The following SUPT3H variants were observed in gnomAD, a reference collection of about 807,000 sequenced individuals.
SUPT3H encodes SPT3 homolog, SAGA and STAGA complex component.
SUPT3H carries 44 observed loss-of-function variants against 44.3 expected under a neutral mutation model. The observed-to-expected ratio is 0.99, with a 90% confidence interval of 0.78 to 1.28. The LOEUF is 1.28. Among genes scored for constraint, SUPT3H ranks in the 50% most tolerant of loss-of-function variants. SUPT3H has a pLI of 0.00. For synonymous variants in SUPT3H, 124 were observed against 125.6 expected (o/e 0.99, Z 0.09); for missense variants, 380 against 387.1 (o/e 0.98, Z 0.15).
chr6:44,810,779 G>GC (rs1766461602), intron 11 of SUPT3H, among the ~76,000 whole-genome samples: 1 of 152,148 alleles, frequency 6.6e-6, no homozygotes, highest in African/African-American at 2.4e-5. Flanking sequence ...GGTGGCACAT[G>GC]CCTGTAGTCC....
chr6:45,077,751 T>A (rs150897011), intron 3 of SUPT3H, among the ~76,000 whole-genome samples: 2 of 147,936 alleles, frequency 1.4e-5, no homozygotes, highest in Non-Finnish European at 3.0e-5. Flanking sequence ...AAAAACTCAA[T>A]AAACACAAAA....
chr6:45,334,846 T>C lies in SUPT3H; in HGVS notation c.101+30355A>G, dbSNP rs544018017. On this transcript the variant is annotated intron_variant, in intron 2 of 10. Coordinates refer to ENST00000371459, the MANE Select transcript of SUPT3H (RefSeq NM_003599.4). ...ATTTTTTTGCATGTAAGTTAACAAA[T>C]GTCAATCTATAAAACCAGTAACAGG... Among the ~76,000 whole-genome samples, 7 of 151,364 alleles carry C rather than the reference T, an allele frequency of 4.6e-5. No individual in the cohort carries two copies. In the South Asian group the frequency reaches 1.5e-3, roughly 31 times the overall value.
At chr6:45,070,819 G>T (rs73737872) in intron 3 of SUPT3H, among the ~76,000 whole-genome samples, 3,496 of 150,968 alleles carry the variant, frequency 0.023, 76 homozygotes, top group South Asian at 0.086. Flanking sequence ...TGACGACAAG[G>T]AAGAAGTGTT....
At chr6:45,223,067 G>T (rs9395081) in intron 2 of SUPT3H, among the ~76,000 whole-genome samples, 129,196 of 152,002 alleles carry the variant, frequency 0.85, 55,149 homozygotes, top group African/African-American at 0.89. Context: ...AAGAGTTGGT[G>T]GAGGCTATAA....
Position 44,828,736 on chromosome 6 carries a change from A to ATGTT in SUPT3H, c.*1076_*1079dup, listed in dbSNP as rs1390435588. 2.0e-5 allele frequency: 3 copies of ATGTT among 152,328 alleles called. 1 individual carries two copies. The highest frequency in any genetic ancestry group is 4.1e-4 in the South Asian group (2 of 4,826). 9.4% of individuals were successfully genotyped at this position (152,328 alleles called of 1,614,324 possible). A position where few individuals can be genotyped will look rare whatever the true frequency, so the allele number is the denominator to read the frequency against. The stretch of plus-strand genomic sequence containing the variant: ...AGCAGTATCAAGAAAAAGATCTTTC[A>ATGTT]TGTTTCTCATTTCTGTTTTTATTAA... On this transcript the variant is annotated 3_prime_UTR_variant, in exon 11 of 11. Transcript: ENST00000371459.
At position 45,083,436 on chromosome 6, in the gene SUPT3H, C is replaced by T. The variant is rs371310983; in HGVS notation, c.186+22486G>A. Among the ~76,000 whole-genome samples the T allele has an allele frequency of 2.6e-5, 4 of 151,990 alleles. No homozygotes were observed. In the East Asian group the frequency reaches 7.7e-4, roughly 29 times the overall value. ...TGAACTCCTGACCTCATAATCCACCCGCCTCAGCCTCCCAAACTGCTGGGA... is the reference window on the plus strand; with the variant it reads ...TGAACTCCTGACCTCATAATCCACCTGCCTCAGCCTCCCAAACTGCTGGGA... On this transcript the variant is annotated intron_variant, in intron 3 of 10. Coordinates refer to ENST00000371459, the MANE Select transcript of SUPT3H (RefSeq NM_003599.4).
intron 10 of SUPT3H, among the ~76,000 whole-genome samples, chr6:44,854,004 A>G (rs1213012265): frequency 1.3e-5 from 2 of 151,850 alleles, no homozygotes; most frequent in African/African-American, 4.8e-5. Flanking sequence ...TCAAAGTGGT[A>G]TATTTTGAAC....
chr6:45,040,342 A>T (rs1788341883), intron 3 of SUPT3H, among the ~76,000 whole-genome samples: 1 of 152,182 alleles, frequency 6.6e-6, no homozygotes, highest in Non-Finnish European at 1.5e-5. Context: ...AAAATGCTAT[A>T]CTATAATGTA....
chr6:45,357,049 C>T (rs551184185), intron 2 of SUPT3H, among the ~76,000 whole-genome samples: 1 of 152,292 alleles, frequency 6.6e-6, no homozygotes, highest in African/African-American at 2.4e-5. Context: ...CTCTGTCGCC[C>T]AGGCTGGAGT....
At chr6:45,054,463 A>G (rs2153538141) in intron 3 of SUPT3H, among the ~76,000 whole-genome samples, 1 of 152,348 alleles carries the variant, frequency 6.6e-6, no homozygotes, top group East Asian at 1.9e-4. Flanking sequence ...TTAATGTAGC[A>G]TAAAAATAGT....
chr6:44,887,060 A>G (rs1346229580), intron 10 of SUPT3H, among the ~76,000 whole-genome samples: 4 of 152,226 alleles, frequency 2.6e-5, no homozygotes, highest in Non-Finnish European at 4.4e-5. Context: ...TACAACAAGA[A>G]GAGCTAACTA....
intron 2 of SUPT3H, among the ~76,000 whole-genome samples, chr6:45,232,782 TA>T (rs912213589): frequency 6.6e-6 from 1 of 152,030 alleles, no homozygotes; most frequent in African/African-American, 2.4e-5. Context: ...GCATAAGGGT[TA>T]GGGGGAGGCA....
At chr6:45,208,604 G>A (rs1763574719) in intron 2 of SUPT3H, among the ~76,000 whole-genome samples, 1 of 151,864 alleles carries the variant, frequency 6.6e-6, no homozygotes, top group Admixed American at 6.6e-5. Context: ...TGCACCTGTA[G>A]TCCCAGCTGT....
rs1370372215 is a variant in SUPT3H at position 45,017,197 on chromosome 6, T to A, written c.274-2306A>T. Among the ~76,000 whole-genome samples the A allele has an allele frequency of 4.0e-5, 6 of 150,676 alleles. No homozygotes were observed. In the South Asian group the frequency reaches 6.4e-4, roughly 16 times the overall value. On this transcript the variant is annotated intron_variant, in intron 4 of 10. Coordinates refer to ENST00000371459, the MANE Select transcript of SUPT3H (RefSeq NM_003599.4). ...GCCCACTTTTTGATGGGGTTGTTTG[T>A]TTTTTTCTTGTAAATTTGTTTGAGT...
intron 2 of SUPT3H, among the ~76,000 whole-genome samples, chr6:45,256,032 G>A (rs537294308): frequency 2.0e-5 from 3 of 152,060 alleles, no homozygotes; most frequent in Non-Finnish European, 2.9e-5. Flanking sequence ...TTAACCGGGC[G>A]TGGTTGCGGG....
intron 3 of SUPT3H, among the ~76,000 whole-genome samples, chr6:45,048,931 A>G (rs1789845683): frequency 6.6e-6 from 1 of 152,164 alleles, no homozygotes. Context: ...GCCAAAGGAT[A>G]CAAAACTTCA....
At chr6:44,885,774 T>A (rs1762161481) in intron 10 of SUPT3H, among the ~76,000 whole-genome samples, 1 of 152,142 alleles carries the variant, frequency 6.6e-6, no homozygotes, top group Non-Finnish European at 1.5e-5. Flanking sequence ...GAGAATGACT[T>A]TGACGAGTTG....
At chr6:45,224,873 T>C (rs1259027166) in intron 2 of SUPT3H, among the ~76,000 whole-genome samples, 2 of 152,106 alleles carry the variant, frequency 1.3e-5, no homozygotes, top group Non-Finnish European at 2.9e-5. Context: ...TCATTTATTA[T>C]AATATCTATC....
chr6:45,014,793 T>C lies in SUPT3H; in HGVS notation c.364+8A>G. 4 of 1,565,220 alleles carry C rather than the reference T, an allele frequency of 2.6e-6. No homozygotes were observed. Among genetic ancestry groups the C allele is most frequent in the Non-Finnish European group, 2.6e-6 (3 of 1,160,086 alleles). ...TCATGTTTTAGTTTTGTGTTTTGTT[T>C]TGGTTACCTTCGAGAAGATCATCCT... On this transcript the variant is annotated splice_region_variant and intron_variant, in intron 5 of 10. Transcript: ENST00000371459.
Sources: allele counts gnomAD v4.1 joint callset (sites outside exome capture counted in the v4.1 genomes callset), GRCh38; gene constraint gnomAD v4.1.1; transcripts MANE v1.5; gene names NCBI Gene and HGNC (gene_info 2026-07-23, HGNC 2026-07-21).